DYSF: variants seen among roughly 807,000 people sequenced by gnomAD.
The protein encoded by DYSF is dystrophy-associated fer-1-like 1.
DYSF carries 212 observed loss-of-function variants against 274.9 expected under a neutral mutation model. The observed-to-expected ratio is 0.77, with a 90% CI of 0.69 to 0.86. DYSF has a LOEUF of 0.86. DYSF is among the 40% of genes least tolerant of loss of function. The pLI is 0.00. For synonymous variants in DYSF, 1,091 were observed against 1,078.7 expected (o/e 1.01, Z -0.22); for missense variants, 2,666 against 2,783.2 (o/e 0.96, Z 0.95).
chr2:71,633,528 G>A (rs951706863), intron 41 of DYSF, among the ~76,000 whole-genome samples: 1 of 152,128 alleles, frequency 6.6e-6, no homozygotes, highest in African/African-American at 2.4e-5. Flanking sequence ...TATCTTTGTA[G>A]ATATCTACTC....
chr2:71,516,353 T>C lies in DYSF; in HGVS notation c.951+111T>C, dbSNP rs376116375. 825 of 1,020,908 alleles carry C rather than the reference T, an allele frequency of 8.1e-4. 4 individuals are homozygous for C. Among genetic ancestry groups the C allele is most frequent in the Non-Finnish European group, 4.4e-4 (288 of 658,502 alleles). The allele number at this position is 1,020,908 out of a possible 1,614,324, so 63.2% of individuals were successfully genotyped here. On this transcript the variant is annotated intron_variant, in intron 9 of 55. Transcript: ENST00000410020. ...GTGTGCATGTGCACGTCAGTGTGAA[T>C]GCGTGAATGCGTGTGTGTGCCTGTC...
At chr2:71,603,535 G>A (rs1369725595) in intron 36 of DYSF, among the ~76,000 whole-genome samples, 4 of 152,168 alleles carry the variant, frequency 2.6e-5, no homozygotes, top group South Asian at 2.1e-4. Flanking sequence ...GACCGACAGC[G>A]GACACTATTT....
chr2:71,515,622 G>C lies in DYSF; in HGVS notation c.760-1G>C, dbSNP rs1259088220. 6.2e-7 allele frequency: 1 copy of C among 1,613,882 alleles called. No homozygotes were observed. ...TGCTCTTTCCTCCTTCTGGCTTTCA[G>C]ATCAGGGTCCAGGTGATCGAGGGGC... On this transcript the variant is annotated splice_acceptor_variant, in intron 7 of 55. Transcript: ENST00000410020. LOFTEE classifies it high-confidence loss of function.
chr2:71,625,603 T>G (rs750306149), intron 41 of DYSF, among the ~76,000 whole-genome samples: 1 of 152,146 alleles, frequency 6.6e-6, no homozygotes, highest in African/African-American at 2.4e-5. Context: ...GATAAGGAAG[T>G]ACTTTGTTCA....
intron 41 of DYSF, among the ~76,000 whole-genome samples, chr2:71,622,623 T>G (rs1341372653): frequency 6.6e-6 from 1 of 152,156 alleles, no homozygotes; most frequent in Non-Finnish European, 1.5e-5. Flanking sequence ...GTTTATTTTT[T>G]TATTGTTTTT....
At chr2:71,672,325 A>G (rs2095139594) in intron 51 of DYSF, among the ~76,000 whole-genome samples, 1 of 152,118 alleles carries the variant, frequency 6.6e-6, no homozygotes, top group Non-Finnish European at 1.5e-5. Context: ...TCGAGTCTGG[A>G]TGGGTTCGTG....
intron 19 of DYSF, 139 bp from the exon 20 acceptor site, chr2:71,552,872 C>G: frequency 1.2e-6 from 1 of 819,742 alleles, no homozygotes; most frequent in Non-Finnish European, 2.1e-6. Flanking sequence ...CTTTCTTGGG[C>G]TACTTGCCAC....
At chr2:71,597,272 G>A (rs2093428251) in intron 32 of DYSF, among the ~76,000 whole-genome samples, 1 of 152,200 alleles carries the variant, frequency 6.6e-6, no homozygotes, top group Admixed American at 6.5e-5. Flanking sequence ...GGGGCTCAGA[G>A]GGCACAGGCC....
At chr2:71,654,342 G>T (rs1384551027) in intron 42 of DYSF, among the ~76,000 whole-genome samples, 1 of 152,170 alleles carries the variant, frequency 6.6e-6, no homozygotes, top group African/African-American at 2.4e-5. Context: ...AGAGCAATTT[G>T]TGCACATCAG....
In DYSF at chr2:71,600,808, T is replaced by C. The variant is rs886042828; in HGVS notation, c.3863T>C (p.Leu1288Pro). 1 of 1,613,156 alleles carries C rather than the reference T, an allele frequency of 6.2e-7. No individual in the cohort carries two copies. The highest frequency in any genetic ancestry group is 8.5e-7 in the Non-Finnish European group (1 of 1,180,026). The change falls in exon 34 of 56, where the codon CTG (leucine) becomes CCG (proline). Residue 1288 changes from leucine to proline, a missense_variant. Physicochemically the swap from Leu to Pro is moderately conservative, Grantham distance 98. Transcript: ENST00000410020. Reference sequence around the variant, plus strand: ...AGGGGCAGCCAGCCGTCGGGGGAGCTGCTGGCCTCTTTTGAGCTCATCCAG... The same window carrying C: ...AGGGGCAGCCAGCCGTCGGGGGAGCCGCTGGCCTCTTTTGAGCTCATCCAG... ...LTRGSQPSGE[L>P]LASFELIQRE...
chr2:71,589,730 C>T (rs1054148974), intron 31 of DYSF, 44 bp downstream of exon 31: 56 of 1,519,076 alleles, frequency 3.7e-5, no homozygotes, highest in Non-Finnish European at 4.8e-5. Context: ...AAGGGTGTGT[C>T]ACCTTATGCT....
At chr2:71,494,152 G>A (rs4852791) in intron 3 of DYSF, among the ~76,000 whole-genome samples, 1 of 152,090 alleles carries the variant, frequency 6.6e-6, no homozygotes, top group Non-Finnish European at 1.5e-5. Flanking sequence ...GCCTTCCTTA[G>A]CTCTTTTTGT....
chr2:71,568,712 C>T (rs2092259365), intron 26 of DYSF, among the ~76,000 whole-genome samples: 1 of 152,094 alleles, frequency 6.6e-6, no homozygotes, highest in African/African-American at 2.4e-5. Flanking sequence ...AGGCGTGCGC[C>T]ATCATGCCTG....
At chr2:71,635,311 C>G (rs2094381870) in intron 41 of DYSF, among the ~76,000 whole-genome samples, 1 of 152,182 alleles carries the variant, frequency 6.6e-6, no homozygotes. Flanking sequence ...ACATGATCAG[C>G]CTTTGTAAAC....
intron 41 of DYSF, among the ~76,000 whole-genome samples, chr2:71,623,469 G>A (rs13016729): frequency 0.71 from 108,291 of 151,856 alleles, 40,798 homozygotes; most frequent in East Asian, 0.88. Context: ...TAAAAGTCCT[G>A]CAAATGTACC....
At chr2:71,581,226 G>A (rs1265003893) in intron 30 of DYSF, among the ~76,000 whole-genome samples, 1 of 152,188 alleles carries the variant, frequency 6.6e-6, no homozygotes, top group East Asian at 1.9e-4. Context: ...ACACGCTCGC[G>A]CCAGCCCACA....
chr2:71,656,031 T>G, intron 42 of DYSF, 131 bp from the exon 43 acceptor site: 1 of 1,235,206 alleles, frequency 8.1e-7, no homozygotes, highest in Admixed American at 1.7e-5. Flanking sequence ...TTTCTTCTTC[T>G]CTCTTCCTTC....
At chr2:71,488,293 T>C (rs1386080243) in intron 3 of DYSF, among the ~76,000 whole-genome samples, 1 of 152,216 alleles carries the variant, frequency 6.6e-6, no homozygotes, top group Non-Finnish European at 1.5e-5. Context: ...TTTAATTTGT[T>C]CTGGAAAAAT....
Position 71,555,954 on chromosome 2 carries a change from C to A in DYSF, c.2110-11C>A. On this transcript the variant is annotated splice_polypyrimidine_tract_variant and intron_variant, in intron 21 of 55. Transcript: ENST00000410020. ...GGTGACACACCTGACCCTTGCCTGCCCATTCCACAGGAAGCTGGCCTGGAG... is the reference window on the plus strand; with the variant it reads ...GGTGACACACCTGACCCTTGCCTGCACATTCCACAGGAAGCTGGCCTGGAG... The A allele has an allele frequency of 6.4e-7, 1 of 1,554,444 alleles. No homozygotes were observed. Among genetic ancestry groups the A allele is most frequent in the South Asian group, 1.2e-5 (1 of 84,350 alleles).
Sources: allele counts gnomAD v4.1 joint callset (sites outside exome capture counted in the v4.1 genomes callset), GRCh38; gene constraint gnomAD v4.1.1; transcripts MANE v1.5; gene names NCBI Gene and HGNC (gene_info 2026-07-23, HGNC 2026-07-21).